GLO1: variants seen among roughly 807,000 people sequenced by gnomAD.
GLO1 encodes the protein lactoylglutathione lyase.
A neutral mutation model predicts 26.0 loss-of-function variants in GLO1; 28 were observed. That is an observed-to-expected ratio of 1.08 (90% CI 0.80 to 1.48). The LOEUF (loss-of-function observed/expected upper bound fraction) is 1.48. Among genes scored for constraint, GLO1 ranks in the 40% most tolerant of loss-of-function variants. The pLI, the probability that GLO1 is intolerant of heterozygous loss-of-function variation, is 0.00. For missense variants in GLO1, 225 were observed against 224.8 expected (o/e 1.00, Z -0.01); for synonymous variants, 78 against 77.6 (o/e 1.00, Z -0.03).
intron 1 of GLO1, among the ~76,000 whole-genome samples, chr6:38,692,065 T>A (rs1761539060): frequency 6.7e-6 from 1 of 148,674 alleles, no homozygotes; most frequent in Non-Finnish European, 1.5e-5. Flanking sequence ...TGCCTTTCAA[T>A]CTAGAATAAC....
chr6:38,694,792 A>C (rs978679081), intron 1 of GLO1, among the ~76,000 whole-genome samples: 1 of 152,168 alleles, frequency 6.6e-6, no homozygotes, highest in Non-Finnish European at 1.5e-5. Context: ...CTGTTTAGTA[A>C]CATATATTTA....
At chr6:38,693,704 T>TA (rs1416155123) in intron 1 of GLO1, among the ~76,000 whole-genome samples, 34 of 144,932 alleles carry the variant, frequency 2.3e-4, no homozygotes, top group African/African-American at 8.2e-4. Context: ...TATATATATA[T>TA]ATTTGTTTTG....
At chr6:38,696,874 A>G (rs1304990381) in intron 1 of GLO1, among the ~76,000 whole-genome samples, 1 of 152,070 alleles carries the variant, frequency 6.6e-6, no homozygotes, top group African/African-American at 2.4e-5. Context: ...TTGTCTCTCA[A>G]ATAACTTTCA....
intron 5 of GLO1, among the ~76,000 whole-genome samples, chr6:38,678,380 G>GAGGAAGGAAGGAAGGAAGGAAAGA (rs1761302945): frequency 1.6e-5 from 1 of 63,022 alleles, no homozygotes; most frequent in Admixed American, 1.7e-4. Flanking sequence ...GAGGGAGAGA[G>GAGGAAGGAAGGAAGGAAGGAAAGA]AGGAAGGAAG....
chr6:38,701,671 T>G (rs1390215004), intron 1 of GLO1, among the ~76,000 whole-genome samples: 1 of 152,192 alleles, frequency 6.6e-6, no homozygotes, highest in Non-Finnish European at 1.5e-5. Flanking sequence ...TTGCAATGAC[T>G]AACATTTTTC....
intron 1 of GLO1, among the ~76,000 whole-genome samples, chr6:38,695,604 C>T (rs1046287900): frequency 1.3e-5 from 2 of 152,012 alleles, no homozygotes; most frequent in African/African-American, 4.8e-5. Flanking sequence ...AAAGTCCTGG[C>T]TCCCTACCCA....
At position 38,682,068 on chromosome 6, in the gene GLO1, C is replaced by G; in HGVS notation, c.410G>C (p.Ser137Thr). 6.3e-7 allele frequency: 1 copy of G among 1,595,582 alleles called. No individual in the cohort carries two copies. The highest frequency in any genetic ancestry group is 8.6e-7 in the Non-Finnish European group (1 of 1,163,120). The stretch of plus-strand genomic sequence containing the variant: ...CAGTTCTTCAAACCTTTTACAAGCA[C>G]TGTATACATCAGGAACAGCAATTCC... ...HIGIAVPDVYSACKRFEELGV... is the reference protein window; with the variant it reads ...HIGIAVPDVYTACKRFEELGV... Residue 137 changes from serine (S) to threonine (T), a missense_variant, in exon 5 of 6, where the codon AGT (serine) becomes ACT (threonine). Transcript: ENST00000373365.
Position 38,676,373 on chromosome 6 carries a change from G to A in GLO1, c.*922C>T, listed in dbSNP as rs1456366409. 6.6e-6 allele frequency: 1 copy of A among 152,082 alleles called. No individual in the cohort carries two copies. The highest frequency in any genetic ancestry group is 2.4e-5 in the African/African-American group (1 of 41,394). 9.4% of individuals were successfully genotyped at this position (152,082 alleles called of 1,614,324 possible). A position where few individuals can be genotyped will look rare whatever the true frequency, so the allele number is the denominator to read the frequency against. The stretch of plus-strand genomic sequence containing the variant: ...CACCAGGTGTCCCTAGAGCAGTTTT[G>A]TACTAAAGACTTCTAGTGTTTACTC... On this transcript the variant is annotated 3_prime_UTR_variant, in exon 6 of 6. Transcript: ENST00000373365.
intron 1 of GLO1, 81 bp from the exon 2 acceptor site, chr6:38,687,055 A>G (rs1462943980): frequency 2.0e-6 from 3 of 1,527,474 alleles, no homozygotes; most frequent in African/African-American, 2.8e-5. Flanking sequence ...GTAACAAGAT[A>G]CAAACACAAT....
At chr6:38,685,496 C>A (rs1349932202) in intron 2 of GLO1, among the ~76,000 whole-genome samples, 1 of 152,148 alleles carries the variant, frequency 6.6e-6, no homozygotes, top group African/African-American at 2.4e-5. Context: ...TCAATAAGAG[C>A]AAATGGCTGT....
At chr6:38,701,928 ATTT>A (rs555631797) in intron 1 of GLO1, among the ~76,000 whole-genome samples, 3 of 137,148 alleles carry the variant, frequency 2.2e-5, no homozygotes, top group African/African-American at 2.7e-5. Flanking sequence ...CTGTGCCTGA[ATTT>A]TTTTTTTTTT....
chr6:38,682,960 G>C (rs1019257916), intron 3 of GLO1, 85 bp from the exon 4 acceptor site: 6 of 814,426 alleles, frequency 7.4e-6, no homozygotes, highest in South Asian at 1.4e-5. Flanking sequence ...ATCTTACCAC[G>C]TTTATATGCT....
chr6:38,700,799 G>T (rs72856546), intron 1 of GLO1, among the ~76,000 whole-genome samples: 25,776 of 95,736 alleles, frequency 0.27, 2,423 homozygotes, highest in Non-Finnish European at 0.33. Flanking sequence ...TTTTTTTTTT[G>T]GACAAAGTCT....
At chr6:38,694,396 T>C (rs181927834) in intron 1 of GLO1, among the ~76,000 whole-genome samples, 279 of 152,286 alleles carry the variant, frequency 1.8e-3, no homozygotes, top group African/African-American at 6.3e-3. Flanking sequence ...AGAGGAGCGT[T>C]GGCTGGGCTT....
In GLO1 at chr6:38,676,764, G is replaced by T. The variant is rs1028493772; in HGVS notation, c.*531C>A. On this transcript the variant is annotated 3_prime_UTR_variant, in exon 6 of 6. Coordinates refer to ENST00000373365, the MANE Select transcript of GLO1 (RefSeq NM_006708.3). ...CTTTAAATGTACTTTATAATAAGAAGAAATCACTTTTTCTATCAGTATCCT... is the reference window on the plus strand; with the variant it reads ...CTTTAAATGTACTTTATAATAAGAATAAATCACTTTTTCTATCAGTATCCT... 1.3e-5 allele frequency: 2 copies of T among 152,148 alleles called. No homozygotes were observed. The highest frequency in any genetic ancestry group is 2.4e-5 in the African/African-American group (1 of 41,404). 9.4% of individuals were successfully genotyped at this position (152,148 alleles called of 1,614,324 possible).
chr6:38,683,000 CA>C, intron 3 of GLO1, 125 bp from the exon 4 acceptor site: 1 of 613,366 alleles, frequency 1.6e-6, no homozygotes, highest in Non-Finnish European at 3.0e-6. Context: ...ACCCCTGCTA[CA>C]AAAATATTAA....
Position 38,677,340 on chromosome 6 carries a change from G to A in GLO1, c.510C>T (p.Tyr170=), listed in dbSNP as rs150395428. Reference sequence around the variant, plus strand: ...TGTTAGGATTCAAAATTTCAATCCAGTAGCCATCAGGATCTTGAATAAATG... The same window carrying A: ...TGTTAGGATTCAAAATTTCAATCCAATAGCCATCAGGATCTTGAATAAATG... ...GLAFIQDPDG[Y]WIEILNPNKM... Residue 170 remains tyrosine, a synonymous_variant, in exon 6 of 6, where the codon TAC becomes TAT. Transcript: ENST00000373365. The A allele has an allele frequency of 1.2e-5, 19 of 1,570,050 alleles. No individual in the cohort carries two copies. Among genetic ancestry groups the A allele is most frequent in the African/African-American group, 2.7e-5 (2 of 74,016 alleles).
rs564102620 is a variant in GLO1 at position 38,683,756 on chromosome 6, G to A, written c.308+618C>T. 1.6e-4 allele frequency among the ~76,000 whole-genome samples: 24 copies of A among 152,010 alleles called. No individual in the cohort carries two copies. In the East Asian group the frequency reaches 2.5e-3, roughly 16 times the overall value. On this transcript the variant is annotated intron_variant, in intron 3 of 5. Coordinates refer to ENST00000373365, the MANE Select transcript of GLO1 (RefSeq NM_006708.3). ...CAAAAAATTAGCTGGGCGTAGTGGC[G>A]GGCGCCTGTAGTCCCAGCTACTTGG...
intron 1 of GLO1, among the ~76,000 whole-genome samples, chr6:38,690,044 C>T (rs758722563): frequency 3.9e-5 from 6 of 152,076 alleles, no homozygotes; most frequent in East Asian, 3.9e-4. Flanking sequence ...AGGATGGTCT[C>T]GATCTCTTGA....
Sources: gnomAD v4.1 joint callset for allele counts (sites outside exome capture counted in the v4.1 genomes callset) on GRCh38, gnomAD v4.1.1 for gene constraint, MANE v1.5 for transcripts, NCBI Gene and HGNC (gene_info 2026-07-23, HGNC 2026-07-21) for gene names.